The following SLC5A4 variants were observed in gnomAD, a reference collection of about 807,000 sequenced individuals.
SLC5A4 encodes probable glucose sensor protein SLC5A4.
A neutral mutation model predicts 70.3 loss-of-function variants in SLC5A4; 55 were observed. That is an observed-to-expected ratio of 0.78 (90% CI 0.63 to 0.98). The LOEUF (loss-of-function observed/expected upper bound fraction) is 0.98. SLC5A4 is among the 50% of genes least tolerant of loss of function. SLC5A4 has a pLI of 0.00. For synonymous variants in SLC5A4, 268 were observed against 305.7 expected (o/e 0.88, Z 1.29); for missense variants, 735 against 839.2 (o/e 0.88, Z 1.53).
At chr22:32,246,852 AGTACTTAAAAT>A (rs1370767547) in intron 5 of SLC5A4, among the ~76,000 whole-genome samples, 1 of 152,224 alleles carries the variant, frequency 6.6e-6, no homozygotes. Context: ...TTTATAAAAA[AGTACTTAAAAT>A]GTACTTTAAA....
intron 10 of SLC5A4, among the ~76,000 whole-genome samples, chr22:32,230,684 T>C (rs995656541): frequency 1.3e-5 from 2 of 152,280 alleles, no homozygotes; most frequent in African/African-American, 4.8e-5. Context: ...TTTATGACTA[T>C]GCAACTCTTT....
chr22:32,275,486 C>T, the SLC5A4 span, among the ~76,000 whole-genome samples: 2 of 152,136 alleles, frequency 1.3e-5, no homozygotes, highest in Non-Finnish European at 2.9e-5. Flanking sequence ...TTTGTCCTTG[C>T]GATAGTTTGC....
Position 32,255,321 on chromosome 22 carries a change from A to G in SLC5A4, c.9T>C (p.Ser3=), listed in dbSNP as rs762680309. The part of the protein sequence containing the change: MA[S]TVSPSTIAET... ...CAGCTATGGTGCTGGGGCTAACCGT[A>G]CTGGCCATGGCTGCAGGCAGTGCTA... Residue 3 remains serine (S), a synonymous_variant, in exon 1 of 15, where the codon AGT becomes AGC. Coordinates refer to ENST00000266086, the MANE Select transcript of SLC5A4 (RefSeq NM_014227.3). The G allele has an allele frequency of 5.3e-5, 85 of 1,614,154 alleles. No individual in the cohort carries two copies. Among genetic ancestry groups the G allele is most frequent in the Non-Finnish European group, 7.0e-5 (83 of 1,180,004 alleles).
chr22:32,219,179 C>T (rs919071557), intron 14 of SLC5A4, among the ~76,000 whole-genome samples: 2 of 152,130 alleles, frequency 1.3e-5, no homozygotes, highest in African/African-American at 4.8e-5. Flanking sequence ...AGAAGTTTCA[C>T]AACATACTGT....
At chr22:32,270,632 A>G in the SLC5A4 span, 1 of 733,542 alleles carries the variant, frequency 1.4e-6, no homozygotes, top group Non-Finnish European at 2.6e-6. Context: ...GTCTTTGCCG[A>G]AAACATCGGG....
the SLC5A4 span, among the ~76,000 whole-genome samples, chr22:32,289,691 C>A: frequency 6.6e-6 from 1 of 152,164 alleles, no homozygotes; most frequent in Non-Finnish European, 1.5e-5. Flanking sequence ...CCCAGCCATG[C>A]GGAACTGTGA....
the SLC5A4 span, among the ~76,000 whole-genome samples, chr22:32,319,079 T>A: frequency 1.3e-5 from 2 of 151,964 alleles, no homozygotes; most frequent in African/African-American, 2.4e-5. Context: ...GAATTCACAC[T>A]CTCTGCCTGC....
chr22:32,282,410 C>T, the SLC5A4 span, among the ~76,000 whole-genome samples: 2 of 138,780 alleles, frequency 1.4e-5, no homozygotes, highest in Non-Finnish European at 3.2e-5. Context: ...CTCTGCTGCT[C>T]TCAGCCTCGC....
the SLC5A4 span, chr22:32,285,181 G>C: frequency 5.3e-5 from 8 of 152,060 alleles, no homozygotes; most frequent in African/African-American, 1.9e-4. Context: ...ATATATGTGT[G>C]TATATGCATT....
the SLC5A4 span, among the ~76,000 whole-genome samples, chr22:32,310,463 C>T: frequency 6.6e-6 from 1 of 152,126 alleles, no homozygotes; most frequent in East Asian, 1.9e-4. Flanking sequence ...GTGGCTGCCC[C>T]AGCTGGGCTA....
chr22:32,268,765 C>T, the SLC5A4 span, among the ~76,000 whole-genome samples: 4 of 152,166 alleles, frequency 2.6e-5, no homozygotes, highest in Non-Finnish European at 2.9e-5. Flanking sequence ...ATAGTTAGGT[C>T]GTGCTCTAGG....
At chr22:32,231,598 C>T (rs1925766685) in intron 9 of SLC5A4, among the ~76,000 whole-genome samples, 1 of 152,210 alleles carries the variant, frequency 6.6e-6, no homozygotes, top group Admixed American at 6.5e-5. Flanking sequence ...GCTTAAACAA[C>T]ATTATGACAA....
At chr22:32,342,543 A>G in the SLC5A4 span, among the ~76,000 whole-genome samples, 1 of 152,192 alleles carries the variant, frequency 6.6e-6, no homozygotes, top group Non-Finnish European at 1.5e-5. Flanking sequence ...TTAAAAATCA[A>G]AATAGAAGTA....
At chr22:32,339,009 A>G in the SLC5A4 span, among the ~76,000 whole-genome samples, 1 of 152,188 alleles carries the variant, frequency 6.6e-6, no homozygotes, top group Admixed American at 6.5e-5. Context: ...GCTGTAGGGA[A>G]ATGACTGCAT....
At chr22:32,231,204 T>C in intron 9 of SLC5A4, 129 bp from the exon 10 acceptor site, 2 of 666,310 alleles carry the variant, frequency 3.0e-6, no homozygotes, top group Admixed American at 2.2e-5. Flanking sequence ...AGATTCAATT[T>C]TGAACTCCAT....
chr22:32,264,818 A>C, the SLC5A4 span, among the ~76,000 whole-genome samples: 257 of 152,276 alleles, frequency 1.7e-3, 2 homozygotes, highest in African/African-American at 6.1e-3. Flanking sequence ...AAGACTAAGA[A>C]TGTATGTATT....
At chr22:32,271,061 C>G in the SLC5A4 span, 1 of 579,264 alleles carries the variant, frequency 1.7e-6, no homozygotes, top group South Asian at 1.9e-5. Flanking sequence ...TTTGGGATCC[C>G]TCTTCAGTCC....
the SLC5A4 span, among the ~76,000 whole-genome samples, chr22:32,288,288 C>T: frequency 6.6e-6 from 1 of 152,134 alleles, no homozygotes; most frequent in Non-Finnish European, 1.5e-5. Context: ...CTTCCTACTA[C>T]CTGGTAGTTA....
the SLC5A4 span, chr22:32,270,688 CT>C: frequency 2.9e-6 from 2 of 693,178 alleles, no homozygotes; most frequent in Admixed American, 3.9e-5. Flanking sequence ...CATCCACCTG[CT>C]GGAAGGAATG....
Sources: allele counts gnomAD v4.1 joint callset (sites outside exome capture counted in the v4.1 genomes callset), GRCh38; gene constraint gnomAD v4.1.1; transcripts MANE v1.5; gene names NCBI Gene and HGNC (gene_info 2026-07-23, HGNC 2026-07-21).